GRID2: variants seen among roughly 807,000 people sequenced by gnomAD.
GRID2 encodes the protein glutamate receptor ionotropic, delta-2.
A neutral mutation model predicts 114.8 loss-of-function variants in GRID2; 33 were observed. That is an observed-to-expected ratio of 0.29 (90% CI 0.22 to 0.38). The LOEUF (loss-of-function observed/expected upper bound fraction) is 0.38. Among genes scored for constraint, GRID2 ranks in the 10% least tolerant of loss-of-function variants. The pLI is 1.00. For synonymous variants in GRID2, 505 were observed against 449.9 expected, an observed-to-expected ratio of 1.12 and a Z score of -1.55; for missense variants, 1,184 against 1,257.7, an observed-to-expected ratio of 0.94 and a Z score of 0.89.
chr4:92,678,827 T>A (rs1319440840), intron 2 of GRID2, among the ~76,000 whole-genome samples: 2 of 152,040 alleles, frequency 1.3e-5, no homozygotes. Context: ...TTCTAATCAA[T>A]GCACTACAAA....
chr4:93,506,239 G>C (rs1248135611), intron 12 of GRID2, among the ~76,000 whole-genome samples: 2 of 152,132 alleles, frequency 1.3e-5, no homozygotes, highest in African/African-American at 4.8e-5. Flanking sequence ...GGCTGACCCA[G>C]AATACTTTCG....
At chr4:93,546,975 T>C (rs899924319) in intron 13 of GRID2, among the ~76,000 whole-genome samples, 1 of 152,104 alleles carries the variant, frequency 6.6e-6, no homozygotes, top group East Asian at 1.9e-4. Context: ...TTCAAAGTCA[T>C]GATGTCTAGG....
chr4:92,672,715 A>T (rs1356412854), intron 2 of GRID2, among the ~76,000 whole-genome samples: 1 of 152,128 alleles, frequency 6.6e-6, no homozygotes, highest in Non-Finnish European at 1.5e-5. Context: ...TACATAATAC[A>T]TGTAAATATT....
intron 13 of GRID2, among the ~76,000 whole-genome samples, chr4:93,547,160 AT>A (rs1733305515): frequency 6.6e-6 from 1 of 152,138 alleles, no homozygotes; most frequent in South Asian, 2.1e-4. Flanking sequence ...TCTGTTTACT[AT>A]TTTAGAGTTT....
At chr4:92,421,275 G>T (rs979976179) in intron 1 of GRID2, among the ~76,000 whole-genome samples, 20 of 152,036 alleles carry the variant, frequency 1.3e-4, no homozygotes, top group African/African-American at 4.8e-4. Flanking sequence ...AATACCTGCT[G>T]AGTTCATTCT....
intron 1 of GRID2, among the ~76,000 whole-genome samples, chr4:92,585,199 A>G (rs1728371508): frequency 6.6e-6 from 1 of 151,932 alleles, no homozygotes; most frequent in South Asian, 2.1e-4. Context: ...AGAAAAAGTG[A>G]GGGGAAAAAT....
At chr4:93,019,634 C>T (rs2149243871) in intron 2 of GRID2, among the ~76,000 whole-genome samples, 1 of 152,256 alleles carries the variant, frequency 6.6e-6, no homozygotes, top group Admixed American at 6.5e-5. Context: ...GGAGGCTCTC[C>T]TACCCTCACT....
chr4:93,514,510 C>G (rs1729508750), intron 12 of GRID2, among the ~76,000 whole-genome samples: 1 of 151,596 alleles, frequency 6.6e-6, no homozygotes, highest in Non-Finnish European at 1.5e-5. Flanking sequence ...CAACCAGTGT[C>G]TTGCGTTGGA....
intron 14 of GRID2, among the ~76,000 whole-genome samples, chr4:93,712,320 A>G (rs1728555101): frequency 6.6e-6 from 1 of 152,086 alleles, no homozygotes; most frequent in Non-Finnish European, 1.5e-5. Context: ...TGAAATAGTG[A>G]TGCAATTATA....
chr4:92,826,620 A>C lies in GRID2; in HGVS notation c.244+236334A>C, dbSNP rs1741720303. On this transcript the variant is annotated intron_variant, in intron 2 of 15. Transcript: ENST00000282020. ...CTCTTGATAGATATTTGTCAAATGC[A>C]TGAATCATAGCAGTTAAGCTTACTA... Among the ~76,000 whole-genome samples, 3 of 152,294 alleles carry C rather than the reference A, an allele frequency of 2.0e-5. No individual in the cohort carries two copies. The South Asian group carries it at 6.2e-4, about 32-fold the overall frequency.
chr4:93,212,311 A>T (rs1743621951), intron 5 of GRID2, among the ~76,000 whole-genome samples: 1 of 152,200 alleles, frequency 6.6e-6, no homozygotes, highest in Non-Finnish European at 1.5e-5. Flanking sequence ...GTGCATCATG[A>T]TAGAAATTAA....
chr4:93,369,366 T>C (rs946862908), intron 8 of GRID2, among the ~76,000 whole-genome samples: 3 of 152,220 alleles, frequency 2.0e-5, no homozygotes, highest in African/African-American at 7.2e-5. Flanking sequence ...CTTAACATAA[T>C]TATATCTGCA....
At chr4:93,550,661 T>G (rs1047437090) in intron 13 of GRID2, among the ~76,000 whole-genome samples, 1 of 152,226 alleles carries the variant, frequency 6.6e-6, no homozygotes, top group African/African-American at 2.4e-5. Flanking sequence ...TCAAGTGACA[T>G]AATTTCTCAA....
chr4:92,896,091 G>A (rs1043737985), intron 2 of GRID2, among the ~76,000 whole-genome samples: 3 of 152,160 alleles, frequency 2.0e-5, no homozygotes, highest in African/African-American at 7.2e-5. Flanking sequence ...ACTAAAAGGT[G>A]CCATGCCTAT....
At chr4:92,443,581 G>C (rs1021537842) in intron 1 of GRID2, among the ~76,000 whole-genome samples, 1 of 152,114 alleles carries the variant, frequency 6.6e-6, no homozygotes, top group African/African-American at 2.4e-5. Flanking sequence ...AAGTGATTGG[G>C]GCACAGAGAT....
chr4:92,795,111 G>C (rs1181920223), intron 2 of GRID2, among the ~76,000 whole-genome samples: 2 of 151,508 alleles, frequency 1.3e-5, no homozygotes, highest in Non-Finnish European at 2.9e-5. Context: ...TTGTCTGGCT[G>C]TTTTAGGGTG....
At chr4:93,753,915 A>T (rs1291078200) in intron 14 of GRID2, among the ~76,000 whole-genome samples, 1 of 152,184 alleles carries the variant, frequency 6.6e-6, no homozygotes, top group Non-Finnish European at 1.5e-5. Flanking sequence ...GTCATGGATC[A>T]CTTAGTGATG....
At chr4:93,266,574 A>G in intron 8 of GRID2, among the ~76,000 whole-genome samples, 1 of 152,102 alleles carries the variant, frequency 6.6e-6, no homozygotes, top group Non-Finnish European at 1.5e-5. Context: ...CCCAGTAATG[A>G]ACATGTCACT....
At chr4:92,759,881 C>T (rs1737907246) in intron 2 of GRID2, among the ~76,000 whole-genome samples, 1 of 151,586 alleles carries the variant, frequency 6.6e-6, no homozygotes, top group Admixed American at 6.6e-5. Context: ...CTGCCTCAGC[C>T]TCCCAAAGTG....
Sources: gnomAD v4.1 joint callset for allele counts (sites outside exome capture counted in the v4.1 genomes callset) on GRCh38, gnomAD v4.1.1 for gene constraint, MANE v1.5 for transcripts, NCBI Gene and HGNC (gene_info 2026-07-23, HGNC 2026-07-21) for gene names.